The following CSMD1 variants were observed in gnomAD, a reference collection of about 807,000 sequenced individuals.
CSMD1 encodes the protein CUB and sushi domain-containing protein 1.
In CSMD1, 213 loss-of-function variants were observed where a neutral mutation model predicts 417.5. That is an observed-to-expected ratio of 0.51 (90% CI 0.46 to 0.57). The LOEUF (loss-of-function observed/expected upper bound fraction) is 0.57, where lower values mean the gene tolerates loss of function less well. Ranked by LOEUF, CSMD1 falls within the 20% of genes least tolerant of loss-of-function variation. CSMD1 has a pLI of 0.00. For missense variants in CSMD1, 6,923 were observed against 4,529.7 expected (o/e 1.53, Z -15.17); for synonymous variants, 2,862 against 1,736.8 (o/e 1.65, Z -16.11).
In CSMD1 at chr8:3,985,584, A is replaced by G. The variant is rs146521470; in HGVS notation, c.818+12319T>C. Among the ~76,000 whole-genome samples, 802 of 152,260 alleles carry G rather than the reference A, an allele frequency of 5.3e-3. 11 individuals are homozygous for G. Among genetic ancestry groups the G allele is most frequent in the African/African-American group, 0.019 (775 of 41,556 alleles). ...TATGGAATAATAACAGTTTCACTTTATTTGAAGGGGCGCCACCTTCTAGTA... is the reference window on the plus strand; with the variant it reads ...TATGGAATAATAACAGTTTCACTTTGTTTGAAGGGGCGCCACCTTCTAGTA... On this transcript the variant is annotated intron_variant, in intron 5 of 69. Transcript: ENST00000635120.
At chr8:4,313,889 C>T (rs186652179) in intron 3 of CSMD1, among the ~76,000 whole-genome samples, 263 of 152,112 alleles carry the variant, frequency 1.7e-3, no homozygotes, top group African/African-American at 6.1e-3. Flanking sequence ...TGGTGCACAC[C>T]TGTAATCCCA....
chr8:4,803,260 G>C (rs528566616), intron 1 of CSMD1, among the ~76,000 whole-genome samples: 4 of 152,136 alleles, frequency 2.6e-5, no homozygotes, highest in African/African-American at 9.7e-5. Flanking sequence ...GGTTTACTGA[G>C]AAATGTTATC....
intron 2 of CSMD1, among the ~76,000 whole-genome samples, chr8:4,450,015 G>C (rs1317563524): frequency 1.3e-5 from 2 of 152,108 alleles, no homozygotes; most frequent in Non-Finnish European, 2.9e-5. Context: ...TCCTGCTATG[G>C]CCTGGGTGTC....
chr8:4,497,960 G>C (rs1414354796), intron 2 of CSMD1, among the ~76,000 whole-genome samples: 2 of 152,118 alleles, frequency 1.3e-5, no homozygotes, highest in Admixed American at 1.3e-4. Context: ...GTTTCCTAAA[G>C]ACACAACAGG....
intron 2 of CSMD1, among the ~76,000 whole-genome samples, chr8:4,431,563 C>G (rs1198800453): frequency 6.6e-6 from 1 of 152,114 alleles, no homozygotes; most frequent in Admixed American, 6.6e-5. Context: ...AGCCCCGGCC[C>G]CATTTCAAAA....
intron 54 of CSMD1, among the ~76,000 whole-genome samples, chr8:2,994,327 G>A (rs1476408769): frequency 1.3e-5 from 2 of 152,078 alleles, no homozygotes; most frequent in East Asian, 3.9e-4. Context: ...GGGAATTGAT[G>A]GATGAGCATT....
intron 1 of CSMD1, among the ~76,000 whole-genome samples, chr8:4,883,429 T>C (rs12681969): frequency 0.87 from 132,216 of 152,020 alleles, 59,435 homozygotes; most frequent in East Asian, 0.98. Flanking sequence ...CACTCTCTCA[T>C]TTTGAACATT....
At chr8:4,252,716 T>C (rs965843915) in intron 3 of CSMD1, among the ~76,000 whole-genome samples, 2 of 152,218 alleles carry the variant, frequency 1.3e-5, no homozygotes, top group African/African-American at 4.8e-5. Context: ...TTGGTTGTAT[T>C]GGTTGTACAG....
intron 23 of CSMD1, among the ~76,000 whole-genome samples, chr8:3,327,363 G>A (rs1047305185): frequency 2.0e-5 from 3 of 152,044 alleles, no homozygotes; most frequent in Non-Finnish European, 4.4e-5. Context: ...TCGATCTCGT[G>A]ACCTTGTGAT....
intron 1 of CSMD1, among the ~76,000 whole-genome samples, chr8:4,955,670 G>A (rs1413700919): frequency 6.6e-6 from 1 of 152,068 alleles, no homozygotes; most frequent in African/African-American, 2.4e-5. Flanking sequence ...TGGCCAGGCT[G>A]GTCTCGAACT....
At chr8:4,535,445 T>G (rs545120335) in intron 2 of CSMD1, among the ~76,000 whole-genome samples, 22 of 152,164 alleles carry the variant, frequency 1.4e-4, no homozygotes, top group Non-Finnish European at 2.5e-4. Context: ...TAGATTTGCT[T>G]TGCAATCATT....
At chr8:4,908,429 C>G (rs962045814) in intron 1 of CSMD1, among the ~76,000 whole-genome samples, 1 of 152,144 alleles carries the variant, frequency 6.6e-6, no homozygotes. Flanking sequence ...CAGTATATTC[C>G]TCAAATCTAT....
chr8:3,310,327 A>T (rs916087672), intron 23 of CSMD1, among the ~76,000 whole-genome samples: 2 of 146,582 alleles, frequency 1.4e-5, no homozygotes. Flanking sequence ...TACTGTTGTT[A>T]TTGTTGTAGT....
At chr8:4,595,551 C>A (rs990069995) in intron 2 of CSMD1, among the ~76,000 whole-genome samples, 1 of 152,060 alleles carries the variant, frequency 6.6e-6, no homozygotes, top group African/African-American at 2.4e-5. Context: ...TCTGGTGGCA[C>A]AGAAACCATA....
rs141153280 is a variant in CSMD1, at chr8:3,663,099, C to T, written c.1009+45315G>A. ...AAAATCAGAGCCCCACAGAACTGCC[C>T]GCAATGAAGACCTGAAGCAGTGGGG... On this transcript the variant is annotated intron_variant, in intron 7 of 69. Transcript: ENST00000635120. 4.5e-3 allele frequency among the ~76,000 whole-genome samples: 686 copies of T among 152,074 alleles called. 3 individuals carry two copies. The highest frequency in any genetic ancestry group is 5.6e-3 in the Non-Finnish European group (379 of 68,000).
intron 3 of CSMD1, among the ~76,000 whole-genome samples, chr8:4,084,437 C>T (rs1158542789): frequency 6.6e-6 from 1 of 152,048 alleles, no homozygotes; most frequent in African/African-American, 2.4e-5. Context: ...TCATTTCCAC[C>T]CTTTACATGA....
At chr8:4,140,265 G>T (rs987299318) in intron 3 of CSMD1, among the ~76,000 whole-genome samples, 3 of 150,960 alleles carry the variant, frequency 2.0e-5, no homozygotes, top group Non-Finnish European at 4.4e-5. Flanking sequence ...GGGAAGCTAA[G>T]GCGGGTGGAT....
intron 3 of CSMD1, among the ~76,000 whole-genome samples, chr8:4,103,888 G>T (rs941493520): frequency 2.0e-5 from 3 of 152,126 alleles, no homozygotes; most frequent in Non-Finnish European, 2.9e-5. Flanking sequence ...GTTAATATTT[G>T]TTCTCTCCAG....
At chr8:4,106,108 G>C (rs760412838) in intron 3 of CSMD1, among the ~76,000 whole-genome samples, 7 of 152,182 alleles carry the variant, frequency 4.6e-5, no homozygotes, top group Admixed American at 1.3e-4. Context: ...GACAACCCTT[G>C]TGGGTGGAGG....
Sources: gnomAD v4.1 joint callset for allele counts (sites outside exome capture counted in the v4.1 genomes callset) on GRCh38, gnomAD v4.1.1 for gene constraint, MANE v1.5 for transcripts, NCBI Gene and HGNC (gene_info 2026-07-23, HGNC 2026-07-21) for gene names.